The following RUNX1T1 variants were observed in gnomAD, a reference collection of about 807,000 sequenced individuals.
The protein encoded by RUNX1T1 is RUNX1 partner transcriptional co-repressor 1.
RUNX1T1 carries 4 observed loss-of-function variants against 62.8 expected under a neutral mutation model. That is an observed-to-expected ratio of 0.06 (90% CI 0.03 to 0.15). RUNX1T1 has a LOEUF of 0.15. Among genes scored for constraint, RUNX1T1 ranks in the 10% least tolerant of loss-of-function variants. The pLI is 1.00. For synonymous variants in RUNX1T1, 291 were observed against 286.0 expected (o/e 1.02, Z -0.18); for missense variants, 508 against 754.3 (o/e 0.67, Z 3.82).
At chr8:91,973,858 T>A (rs1813359198) in intron 9 of RUNX1T1, among the ~76,000 whole-genome samples, 1 of 152,204 alleles carries the variant, frequency 6.6e-6, no homozygotes, top group African/African-American at 2.4e-5. Context: ...CCTTAAAATT[T>A]AGCATATATC....
At chr8:92,066,153 G>T (rs575614858), upstream of RUNX1T1, among the ~76,000 whole-genome samples, 3 of 152,298 alleles carry the variant, frequency 2.0e-5, no homozygotes, top group South Asian at 6.2e-4. Context: ...CTTTTTATGT[G>T]CAAGACTTGA....
intron 1 of RUNX1T1, among the ~76,000 whole-genome samples, chr8:92,088,505 G>C (rs937223904): frequency 1.3e-5 from 2 of 152,114 alleles, no homozygotes; most frequent in Non-Finnish European, 2.9e-5. Context: ...TACTCCACTT[G>C]TCAATGTGCA....
intron 8 of RUNX1T1, 26 bp downstream of exon 9, chr8:91,986,098 G>A (rs1180651338): frequency 2.0e-6 from 3 of 1,484,862 alleles, no homozygotes; most frequent in Non-Finnish European, 2.8e-6. Flanking sequence ...ATGTGTTTTC[G>A]AGATACTCAT....
chr8:92,037,014 C>G (rs1487272211), intron 1 of RUNX1T1, among the ~76,000 whole-genome samples: 1 of 152,156 alleles, frequency 6.6e-6, no homozygotes, highest in Non-Finnish European at 1.5e-5. Flanking sequence ...GTCATTTCAA[C>G]TAATTCATAT....
chr8:92,079,416 C>A (rs1563916688), intron 1 of RUNX1T1, among the ~76,000 whole-genome samples: 1 of 152,142 alleles, frequency 6.6e-6, no homozygotes, highest in Non-Finnish European at 1.5e-5. Flanking sequence ...CAAAGCTTCA[C>A]CATTTCTTTG....
rs1816720546 is a variant in RUNX1T1 at position 91,987,050 on chromosome 8, C to G, written c.911-78G>C. ...TAAACACACAGACTCATAGCAAGGA[C>G]TATGTGGGCAAACTCGATGTAAAAA... On this transcript the variant is annotated intron_variant, in intron 6 of 10. Transcript: ENST00000396218. The G allele has an allele frequency of 6.6e-6, 6 of 914,402 alleles. 1 individual carries two copies. Among genetic ancestry groups the G allele is most frequent in the South Asian group, 2.7e-5 (2 of 75,130 alleles). The allele number at this position is 914,402 out of a possible 1,614,324, so 56.6% of individuals were successfully genotyped here.
intron 1 of RUNX1T1, among the ~76,000 whole-genome samples, chr8:92,035,110 C>A (rs543941361): frequency 6.6e-6 from 1 of 151,762 alleles, no homozygotes; most frequent in African/African-American, 2.4e-5. Context: ...GCCTGGCCAA[C>A]GTGGTGAAAC....
At chr8:92,090,529 G>C (rs751467868) in intron 1 of RUNX1T1, among the ~76,000 whole-genome samples, 6 of 152,172 alleles carry the variant, frequency 3.9e-5, no homozygotes, top group African/African-American at 7.2e-5. Context: ...TTTGGTAATA[G>C]AGAAGCCTGG....
In RUNX1T1 at chr8:92,044,576, C is replaced by T. The variant is rs1348362112; in HGVS notation, c.7+17970G>A. On this transcript the variant is annotated intron_variant, in intron 1 of 10. Transcript: ENST00000396218. Reference sequence around the variant, plus strand: ...TGTTCCATTGCGGGACTCTATTCTACTTCACATCTCCATGCCTGCAATATG... The same window carrying T: ...TGTTCCATTGCGGGACTCTATTCTATTTCACATCTCCATGCCTGCAATATG... 2.6e-5 allele frequency among the ~76,000 whole-genome samples: 4 copies of T among 152,234 alleles called. No homozygotes were observed. The East Asian group carries it at 5.8e-4, about 22-fold the overall frequency.
exon 1 of RUNX1T1, chr8:92,099,665 A>G: frequency 1.0e-6 from 1 of 985,276 alleles, no homozygotes; most frequent in Non-Finnish European, 1.2e-6. Flanking sequence ...CTGCTTTGCT[A>G]TGAAGGGCTA....
chr8:92,099,877 G>C (rs775911942), upstream of RUNX1T1, among the ~76,000 whole-genome samples: 1 of 152,018 alleles, frequency 6.6e-6, no homozygotes, highest in Non-Finnish European at 1.5e-5. Flanking sequence ...TTTTGGCTAC[G>C]GTTCGATTTG....
chr8:91,959,462 G>T (rs368107335), exon 11 of RUNX1T1: 1 of 109,358 alleles, frequency 9.1e-6, no homozygotes, highest in African/African-American at 9.1e-5. Flanking sequence ...GTGTGTGTGT[G>T]TGTGTATATG....
At chr8:92,023,432 A>G (rs536729678) in intron 1 of RUNX1T1, among the ~76,000 whole-genome samples, 1 of 152,316 alleles carries the variant, frequency 6.6e-6, no homozygotes, top group African/African-American at 2.4e-5. Flanking sequence ...TGATGATCAT[A>G]ACTAGCCTTC....
chr8:92,009,523 C>G (rs1294824156), intron 4 of RUNX1T1: 1 of 151,836 alleles, frequency 6.6e-6, no homozygotes. Context: ...CTGGAAGTGT[C>G]CTTGTAAGCT....
chr8:91,991,865 T>C (rs745836789), exon 6 of RUNX1T1: 1 of 1,614,198 alleles, frequency 6.2e-7, no homozygotes, highest in Non-Finnish European at 8.5e-7. Flanking sequence ...GCAAAGGCTC[T>C]CTGTCAAAGC....
intron 4 of RUNX1T1, among the ~76,000 whole-genome samples, chr8:92,008,791 T>C (rs1227150790): frequency 6.6e-6 from 1 of 152,204 alleles, no homozygotes; most frequent in Non-Finnish European, 1.5e-5. Flanking sequence ...CTATGTGTTA[T>C]AGATAGATAG....
chr8:91,972,977 AG>A, intron 9 of RUNX1T1, among the ~76,000 whole-genome samples: 1 of 152,034 alleles, frequency 6.6e-6, no homozygotes, highest in East Asian at 1.9e-4. Context: ...TACTACTTTT[AG>A]AGGAGAATAT....
At chr8:92,053,246 T>C (rs1239896918) in intron 1 of RUNX1T1, among the ~76,000 whole-genome samples, 3 of 152,164 alleles carry the variant, frequency 2.0e-5, no homozygotes, top group African/African-American at 4.8e-5. Flanking sequence ...CCTAGGATTA[T>C]TGATATAAGA....
At chr8:91,955,166 G>C (rs1809169135), downstream of RUNX1T1, 1 of 216,314 alleles carries the variant, frequency 4.6e-6, no homozygotes, top group Admixed American at 5.8e-5. Context: ...CCACCACCTG[G>C]AAGTCTCATA....
Sources: allele counts gnomAD v4.1 joint callset (sites outside exome capture counted in the v4.1 genomes callset), GRCh38; gene constraint gnomAD v4.1.1; transcripts MANE v1.5; gene names NCBI Gene and HGNC (gene_info 2026-07-23, HGNC 2026-07-21).